The following NBL1 variants were observed in gnomAD, a reference collection of about 807,000 sequenced individuals.
NBL1 encodes the protein NBL1, DAN family BMP antagonist, also known as neuroblastoma suppressor of tumorigenicity 1.
NBL1 carries 9 observed loss-of-function variants against 16.0 expected under a neutral mutation model. The observed-to-expected ratio is 0.56, with a 90% CI of 0.34 to 0.98. The LOEUF (loss-of-function observed/expected upper bound fraction) is 0.98, where lower values mean the gene tolerates loss of function less well. Ranked by LOEUF, NBL1 falls within the 50% of genes least tolerant of loss-of-function variation. The pLI is 0.02. For missense variants in NBL1, 196 were observed against 243.1 expected (o/e 0.81, Z 1.29); for synonymous variants, 86 against 100.7 (o/e 0.85, Z 0.87).
chr1:19,645,317 G>T (rs1001636473), intron 1 of NBL1: 2 of 976,098 alleles, frequency 2.0e-6, no homozygotes, highest in African/African-American at 3.5e-5. Flanking sequence ...CTGGACGACA[G>T]GCCCTGCTGC....
intron 3 of NBL1, 114 bp downstream of exon 3, chr1:19,655,549 C>T (rs1457987858): frequency 1.7e-6 from 2 of 1,204,288 alleles, no homozygotes; most frequent in African/African-American, 1.5e-5. Flanking sequence ...TAGAAAGGCC[C>T]CACTGTGTGC....
chr1:19,653,463 C>T (rs992432669), intron 1 of NBL1, among the ~76,000 whole-genome samples: 1 of 152,162 alleles, frequency 6.6e-6, no homozygotes, highest in Non-Finnish European at 1.5e-5. Flanking sequence ...CCAGGCCCCT[C>T]TAGGGACTGT....
In NBL1 at chr1:19,644,488, G is replaced by T; in HGVS notation, c.-20+42G>T. ...TCGGCACGCGGGCGCCCGGCTTCCA[G>T]AGGCTTCGGCCGCGGGGGCAGTGCC... On this transcript the variant is annotated intron_variant, in intron 1 of 3. Coordinates refer to ENST00000375136, the MANE Select transcript of NBL1 (RefSeq NM_005380.8). This position sits in a 1 kb window ranked among gnomAD's most constrained non-coding sequence, Gnocchi z 4.6. The T allele has an allele frequency of 2.1e-6, 2 of 972,830 alleles. No individual in the cohort carries two copies. The highest frequency in any genetic ancestry group is 2.4e-6 in the Non-Finnish European group (2 of 821,304). The allele number at this position is 972,830 out of a possible 1,614,324, so 60.3% of individuals were successfully genotyped here. A position where few individuals can be genotyped will look rare whatever the true frequency, so the allele number is the denominator to read the frequency against.
intron 3 of NBL1, among the ~76,000 whole-genome samples, chr1:19,655,821 T>G (rs1303186125): frequency 1.3e-5 from 2 of 152,296 alleles, no homozygotes; most frequent in East Asian, 1.9e-4. Flanking sequence ...GCTTGACGCT[T>G]AACACAGCCA....
Position 19,649,186 on chromosome 1 carries a change from G to C in NBL1, c.-20+4740G>C, listed in dbSNP as rs184062970. Reference sequence around the variant, plus strand: ...ATCCCGGTTCTCCTGTTTACTAACAGTGTAAGCCCAAGCAGATTTCTTGGC... The same window carrying C: ...ATCCCGGTTCTCCTGTTTACTAACACTGTAAGCCCAAGCAGATTTCTTGGC... On this transcript the variant is annotated intron_variant, in intron 1 of 3. Coordinates refer to ENST00000375136, the MANE Select transcript of NBL1 (RefSeq NM_005380.8). 1.3e-3 allele frequency among the ~76,000 whole-genome samples: 193 copies of C among 152,172 alleles called. 1 individual carries two copies. The highest frequency in any genetic ancestry group is 3.5e-3 in the Admixed American group (53 of 15,276).
intron 1 of NBL1, chr1:19,645,583 A>G (rs2094974122): frequency 9.8e-7 from 1 of 1,021,262 alleles, no homozygotes; most frequent in African/African-American, 1.7e-5. Context: ...ATTTGTCAAC[A>G]AGGAGCCCCT....
In NBL1 at chr1:19,657,738, G is replaced by A. The variant is rs1375318696; in HGVS notation, c.*609G>A. ...GGCCTGGGCAGGACCCTGCTGACTCGTGGCGCGGGAGCTGGGAGCCAGGCT... is the reference window on the plus strand; with the variant it reads ...GGCCTGGGCAGGACCCTGCTGACTCATGGCGCGGGAGCTGGGAGCCAGGCT... On this transcript the variant is annotated 3_prime_UTR_variant, in exon 4 of 4. Coordinates refer to ENST00000375136, the MANE Select transcript of NBL1 (RefSeq NM_005380.8). 2.6e-5 allele frequency: 4 copies of A among 152,728 alleles called. No individual in the cohort carries two copies. The East Asian group carries it at 5.8e-4, about 22-fold the overall frequency. The allele number at this position is 152,728 out of a possible 1,614,324, so 9.5% of individuals were successfully genotyped here.
chr1:19,644,377 G>A lies in NBL1; in HGVS notation c.-89G>A. ...CGCCCCCCGCCCTGCCGGCCGCCTC[G>A]CCGAGCCTCCTGGGGCGCCCGGGCC... On this transcript the variant is annotated 5_prime_UTR_variant, in exon 1 of 4. Coordinates refer to ENST00000375136, the MANE Select transcript of NBL1 (RefSeq NM_005380.8). The surrounding 1 kb of genome is among the most constrained non-coding windows in gnomAD (Gnocchi z 4.6). 2 of 978,510 alleles carry A rather than the reference G, an allele frequency of 2.0e-6. No individual in the cohort carries two copies. The highest frequency in any genetic ancestry group is 2.4e-6 in the Non-Finnish European group (2 of 827,092). The allele number at this position is 978,510 out of a possible 1,614,324, so 60.6% of individuals were successfully genotyped here. A position where few individuals can be genotyped will look rare whatever the true frequency, so the allele number is the denominator to read the frequency against.
At chr1:19,643,311 G>C, upstream of NBL1, 1 of 1,613,874 alleles carries the variant, frequency 6.2e-7, no homozygotes, top group South Asian at 1.1e-5. The surrounding 1 kb of genome is among the most constrained non-coding windows in gnomAD (Gnocchi z 4.7). Context: ...AGCCACCCAG[G>C]ATGCCCGGCA....
At chr1:19,654,438 A>C (rs1052326708) in intron 1 of NBL1, among the ~76,000 whole-genome samples, 2 of 152,220 alleles carry the variant, frequency 1.3e-5, no homozygotes, top group Non-Finnish European at 2.9e-5. Context: ...CAGCAACGTG[A>C]AGGTTAAGGC....
chr1:19,645,760 G>C, intron 1 of NBL1: 1 of 1,376,914 alleles, frequency 7.3e-7, no homozygotes, highest in Non-Finnish European at 9.4e-7. Flanking sequence ...CCTCTCTCCC[G>C]GGCCTGTGTT....
At chr1:19,647,366 A>G (rs2094986960) in intron 1 of NBL1, among the ~76,000 whole-genome samples, 1 of 152,140 alleles carries the variant, frequency 6.6e-6, no homozygotes, top group Admixed American at 6.6e-5. Flanking sequence ...TTTGAGGCTG[A>G]TGTGAGCTAT....
In NBL1 at chr1:19,656,916, G is replaced by A. The variant is rs1558368312; in HGVS notation, c.333G>A (p.Leu111=). The A allele has an allele frequency of 1.2e-6, 2 of 1,613,430 alleles. No homozygotes were observed. Among genetic ancestry groups the A allele is most frequent in the East Asian group, 4.5e-5 (2 of 44,866 alleles). The change falls in exon 4 of 4, where the codon CTG becomes CTA. Residue 111 remains leucine, a synonymous_variant. Coordinates refer to ENST00000375136, the MANE Select transcript of NBL1 (RefSeq NM_005380.8). Reference sequence around the variant, plus strand: ...AGGAGGTGCCCAGGGTGGACAAGCTGGTGGAGAAGATCCTGCACTGTAGCT... The same window carrying A: ...AGGAGGTGCCCAGGGTGGACAAGCTAGTGGAGAAGATCCTGCACTGTAGCT... ...GHEEVPRVDK[L]VEKILHCSCQ... is the part of the protein sequence containing the mutation.
At chr1:19,644,140 G>A (rs1275575095), upstream of NBL1, 1 of 979,352 alleles carries the variant, frequency 1.0e-6, no homozygotes, top group South Asian at 4.7e-5. This position sits in a 1 kb window ranked among gnomAD's most constrained non-coding sequence, Gnocchi z 4.6. Context: ...AGGGCCCGGG[G>A]CCCCTGCCGC....
upstream of NBL1, chr1:19,643,263 G>A (rs372301662): frequency 5.1e-6 from 8 of 1,582,084 alleles, no homozygotes; most frequent in Non-Finnish European, 6.9e-6. The surrounding 1 kb of genome is among the most constrained non-coding windows in gnomAD (Gnocchi z 4.7). Context: ...GTGCGAGTAG[G>A]CTGGAGTACA....
chr1:19,644,073 G>A (rs2094962318), upstream of NBL1: 3 of 973,832 alleles, frequency 3.1e-6, no homozygotes, highest in Non-Finnish European at 3.7e-6. The surrounding 1 kb of genome is among the most constrained non-coding windows in gnomAD (Gnocchi z 4.6). Context: ...CGTCCCGGCC[G>A]CCCCACCACG....
intron 1 of NBL1, among the ~76,000 whole-genome samples, chr1:19,647,882 T>TGTGTGTGTGCGC (rs1273943458): frequency 6.6e-5 from 9 of 137,082 alleles, no homozygotes; most frequent in South Asian, 2.2e-4. Context: ...TGTGTGTGTG[T>TGTGTGTGTGCGC]GCGTGTGCGC....
rs993936866 is a variant in NBL1, at chr1:19,644,311, G to T, written c.-155G>T. On this transcript the variant is annotated 5_prime_UTR_variant, in exon 1 of 4. Coordinates refer to ENST00000375136, the MANE Select transcript of NBL1 (RefSeq NM_005380.8). The surrounding 1 kb of genome is among the most constrained non-coding windows in gnomAD (Gnocchi z 4.6). The stretch of plus-strand genomic sequence containing the variant: ...CCGCGCCGCGCGCCCGCCCGGGGCC[G>T]CAGACAGCGCGCAGCGCAGCCCAGC... 1.2e-5 allele frequency: 12 copies of T among 978,974 alleles called. No individual in the cohort carries two copies. Among genetic ancestry groups the T allele is most frequent in the Non-Finnish European group, 1.5e-5 (12 of 827,550 alleles). The allele number at this position is 978,974 out of a possible 1,614,324, so 60.6% of individuals were successfully genotyped here.
chr1:19,657,114 G>GTT lies in NBL1; in HGVS notation c.531_532insTT (p.Gly178LeufsTer33). 6.9e-7 allele frequency: 1 copy of GTT among 1,455,246 alleles called. No homozygotes were observed. The highest frequency in any genetic ancestry group is 9.2e-7 in the Non-Finnish European group (1 of 1,084,406). The allele number at this position is 1,455,246 out of a possible 1,614,324, so 90.1% of individuals were successfully genotyped here. A position where few individuals can be genotyped will look rare whatever the true frequency, so the allele number is the denominator to read the frequency against. On this transcript the variant is annotated frameshift_variant, in exon 4 of 4. Coordinates refer to ENST00000375136, the MANE Select transcript of NBL1 (RefSeq NM_005380.8). LOFTEE classifies it high-confidence loss of function. ...CTGGGGCCCCCCACACAGAGGAAGAGGGGGCTGAGGACTGAGGCCCCCCCA... is the reference window on the plus strand; with the variant it reads ...CTGGGGCCCCCCACACAGAGGAAGAGTTGGGGCTGAGGACTGAGGCCCCCCCA...
Sources: allele counts gnomAD v4.1 joint callset (sites outside exome capture counted in the v4.1 genomes callset), GRCh38; gene constraint gnomAD v4.1.1; non-coding constraint Gnocchi (gnomAD v3.1); transcripts MANE v1.5; gene names NCBI Gene and HGNC (gene_info 2026-07-23, HGNC 2026-07-21).